TFEB: variants seen among roughly 807,000 people sequenced by gnomAD.
TFEB encodes T-cell transcription factor EB.
Under a neutral mutation model 48.0 loss-of-function variants are expected in TFEB, and 12 were observed. That is an observed-to-expected ratio of 0.25 (90% CI 0.16 to 0.40). The LOEUF is 0.40. Among genes scored for constraint, TFEB ranks in the 10% least tolerant of loss-of-function variants. The probability of loss-of-function intolerance (pLI) is 1.00; values close to 1 mark genes in which losing one functional copy is unlikely to be tolerated. For missense variants in TFEB, 509 were observed against 640.3 expected (o/e 0.79, Z 2.21); for synonymous variants, 244 against 261.4 (o/e 0.93, Z 0.64).
In TFEB at chr6:41,689,621, C is replaced by T. The variant is rs79663151; in HGVS notation, c.549+110G>A. The T allele has an allele frequency of 0.013, 10,161 of 784,182 alleles. 701 individuals carry two copies. In the African/African-American group the frequency reaches 0.15, roughly 12 times the overall value. 48.6% of individuals were successfully genotyped at this position (784,182 alleles called of 1,614,324 possible). On this transcript the variant is annotated intron_variant, in intron 4 of 8. Transcript: ENST00000373033. ...ATGACTCATCTCTACAGAAACATGC[C>T]AGCTCTGCCCAGTGAGAACCCTGTC...
chr6:41,732,316 C>A (rs980596461), intron 1 of TFEB, among the ~76,000 whole-genome samples: 1 of 152,210 alleles, frequency 6.6e-6, no homozygotes, highest in African/African-American at 2.4e-5. Flanking sequence ...AAATTCCAAT[C>A]CTGTCACTTC....
chr6:41,708,428 T>C (rs1255091758), intron 1 of TFEB, among the ~76,000 whole-genome samples: 2 of 152,190 alleles, frequency 1.3e-5, no homozygotes. Flanking sequence ...AGCACCTGAA[T>C]TGGTGCCTGA....
rs926710236 is a variant in TFEB at position 41,735,180 on chromosome 6, G to T, written c.-23+170C>A. 23 of 907,276 alleles carry T rather than the reference G, an allele frequency of 2.5e-5. No individual in the cohort carries two copies. In the South Asian group the frequency reaches 1.2e-3, roughly 46 times the overall value. 56.2% of individuals were successfully genotyped at this position (907,276 alleles called of 1,614,324 possible). On this transcript the variant is annotated intron_variant, in intron 1 of 8. Transcript: ENST00000373033. ...CGCTCGGGCCACGCGCTGGGCGCCC[G>T]GGGGCGGACGGACTGCGGGTGGGTG... is the stretch of plus-strand genomic sequence containing the variant.
chr6:41,684,587 G>T lies in TFEB; in HGVS notation c.*12C>A. 1.3e-6 allele frequency: 2 copies of T among 1,541,238 alleles called. No homozygotes were observed. The highest frequency in any genetic ancestry group is 2.5e-5 in the South Asian group (2 of 79,030). On this transcript the variant is annotated 3_prime_UTR_variant, in exon 9 of 9. Transcript: ENST00000373033. ...GGCCGGCCCCTGTTCCCTGGCACAG[G>T]GGCAGCCAGGGTCACAGCACATCGC...
chr6:41,727,183 C>T (rs1771248459), intron 1 of TFEB, among the ~76,000 whole-genome samples: 1 of 152,242 alleles, frequency 6.6e-6, no homozygotes, highest in African/African-American at 2.4e-5. Flanking sequence ...GGGCCCCTGA[C>T]AGCAGGACTT....
At position 41,684,699 on chromosome 6, in the gene TFEB, G is replaced by C. The variant is rs749480529; in HGVS notation, c.1331C>G (p.Pro444Arg). 3.1e-6 allele frequency: 5 copies of C among 1,613,730 alleles called. No homozygotes were observed. Among genetic ancestry groups the C allele is most frequent in the Non-Finnish European group, 4.2e-6 (5 of 1,179,908 alleles). ...GGACAGAAGTGGATCAGAGGCCAGC[G>C]GTAGCAGTGAGTCGTCCAGGAGCAT... ...DLMLLDDSLL[P>R]LASDPLLSTM... The change falls in exon 9 of 9, where the codon CCG becomes CGG. Residue 444 changes from proline to arginine, a missense_variant. Coordinates refer to ENST00000373033, the MANE Select transcript of TFEB (RefSeq NM_001271944.2).
At chr6:41,713,884 T>A (rs2057069) in intron 1 of TFEB, among the ~76,000 whole-genome samples, 85,286 of 151,970 alleles carry the variant, frequency 0.56, 25,109 homozygotes, top group African/African-American at 0.75. Context: ...ACAAAGTCAC[T>A]GTGGCAGCCC....
chr6:41,728,706 CAG>C (rs1771322088), intron 1 of TFEB, among the ~76,000 whole-genome samples: 1 of 152,070 alleles, frequency 6.6e-6, no homozygotes, highest in Non-Finnish European at 1.5e-5. Flanking sequence ...GAGGTGCTGG[CAG>C]ACTCTCTGTG....
intron 1 of TFEB, among the ~76,000 whole-genome samples, chr6:41,701,142 C>T (rs1046370732): frequency 5.9e-5 from 9 of 152,256 alleles, no homozygotes; most frequent in South Asian, 2.1e-4. Context: ...CACACATGCA[C>T]GCACACATGC....
Position 41,734,222 on chromosome 6 carries a change from G to A in TFEB, c.-23+1128C>T. The A allele has an allele frequency of 2.4e-6, 1 of 419,528 alleles. No individual in the cohort carries two copies. The highest frequency in any genetic ancestry group is 3.2e-6 in the Non-Finnish European group (1 of 312,550). The allele number at this position is 419,528 out of a possible 1,614,324, so 26.0% of individuals were successfully genotyped here. On this transcript the variant is annotated intron_variant, in intron 1 of 8. Transcript: ENST00000373033. The surrounding 1 kb of genome is among the most constrained non-coding windows in gnomAD (Gnocchi z 4.0). The stretch of plus-strand genomic sequence containing the variant: ...GGGGGGTTCGGGGGAAGGCGCAGCG[G>A]CCAGGGGCTGGCGGAGAGCGGAGGG...
At chr6:41,705,259 T>C (rs1770150336) in intron 1 of TFEB, among the ~76,000 whole-genome samples, 1 of 152,182 alleles carries the variant, frequency 6.6e-6, no homozygotes, top group Non-Finnish European at 1.5e-5. Flanking sequence ...CGGCTCTGCC[T>C]CTGCCTCCCA....
intron 7 of TFEB, 21 bp downstream of exon 7, chr6:41,687,073 C>A: frequency 6.2e-7 from 1 of 1,612,350 alleles, no homozygotes. Context: ...CCATCACCCT[C>A]CCCCTCAGAA....
At chr6:41,731,126 G>A (rs1771431485) in intron 1 of TFEB, among the ~76,000 whole-genome samples, 1 of 152,170 alleles carries the variant, frequency 6.6e-6, no homozygotes, top group Admixed American at 6.5e-5. Flanking sequence ...GCTATTCTAA[G>A]TACTACATGT....
chr6:41,690,616 G>A, intron 3 of TFEB, 47 bp downstream of exon 3: 1 of 1,481,278 alleles, frequency 6.8e-7, no homozygotes. Context: ...ACAGCAGTGG[G>A]CACGAGCTCT....
At chr6:41,728,678 G>A (rs865816930) in intron 1 of TFEB, among the ~76,000 whole-genome samples, 12 of 152,124 alleles carry the variant, frequency 7.9e-5, no homozygotes, top group Non-Finnish European at 1.3e-4. Context: ...GGTAGAACTC[G>A]GGGAGGGGGG....
Position 41,684,626 on chromosome 6 carries a change from G to A in TFEB, c.1404C>T (p.Phe468=). 1 of 1,602,338 alleles carries A rather than the reference G, an allele frequency of 6.2e-7. No homozygotes were observed. Among genetic ancestry groups the A allele is most frequent in the Non-Finnish European group, 8.5e-7 (1 of 1,174,332 alleles). ...ACAGCACATCGCCCTCCTCCATGCT[G>A]AAGCTGCTCCGGCGGCTGCTGGCCT... ...ASKASSRRSS[F]SMEEGDVL is the part of the protein sequence containing the mutation. Residue 468 remains phenylalanine, a synonymous_variant, in exon 9 of 9, where the codon TTC becomes TTT. Transcript: ENST00000373033.
At chr6:41,696,889 T>C (rs890970191) in intron 1 of TFEB, among the ~76,000 whole-genome samples, 11 of 152,082 alleles carry the variant, frequency 7.2e-5, no homozygotes, top group Non-Finnish European at 1.2e-4. Flanking sequence ...AAACGCAACA[T>C]TAATCTACTA....
chr6:41,700,327 ATGG>A (rs1162665523), intron 1 of TFEB, among the ~76,000 whole-genome samples: 89 of 152,158 alleles, frequency 5.8e-4, no homozygotes, highest in African/African-American at 2.0e-3. Flanking sequence ...TTAGCCGGGC[ATGG>A]TGGCGGGCGC....
intron 4 of TFEB, among the ~76,000 whole-genome samples, chr6:41,689,435 C>T (rs1428623972): frequency 2.0e-5 from 3 of 152,200 alleles, no homozygotes; most frequent in Admixed American, 6.5e-5. Context: ...CCCTGCCTCC[C>T]TCTGCCCCTT....
Sources: allele counts gnomAD v4.1 joint callset (sites outside exome capture counted in the v4.1 genomes callset), GRCh38; gene constraint gnomAD v4.1.1; non-coding constraint Gnocchi (gnomAD v3.1); transcripts MANE v1.5; gene names NCBI Gene and HGNC (gene_info 2026-07-23, HGNC 2026-07-21).